The following YWHAB variants were observed in gnomAD, a reference collection of about 807,000 sequenced individuals.
YWHAB encodes tyrosine 3-monooxygenase/tryptophan 5-monooxygenase activation protein beta.
Under a neutral mutation model 28.5 loss-of-function variants are expected in YWHAB, and 2 were observed. The ratio of observed to expected loss-of-function variants is 0.07; its 90% CI spans 0.03 to 0.22. The LOEUF (loss-of-function observed/expected upper bound fraction) is 0.22. YWHAB is among the 10% of genes least tolerant of loss of function. The pLI, the probability that YWHAB is intolerant of heterozygous loss-of-function variation, is 1.00. For missense variants in YWHAB, 148 were observed against 297.1 expected (o/e 0.50, Z 3.69); for synonymous variants, 103 against 104.7 (o/e 0.98, Z 0.10).
At chr20:44,906,121 A>G (rs776670359) in intron 5 of YWHAB, 25 bp downstream of exon 5, 13 of 1,553,342 alleles carry the variant, frequency 8.4e-6, no homozygotes, top group Admixed American at 1.7e-5. Flanking sequence ...CACAGGGTTT[A>G]TAGTCTCTTT....
intron 1 of YWHAB, among the ~76,000 whole-genome samples, chr20:44,899,531 A>C (rs929415866): frequency 6.6e-6 from 1 of 152,228 alleles, no homozygotes; most frequent in Non-Finnish European, 1.5e-5. Context: ...CTACTGTTTA[A>C]AGTAGCATTT....
At chr20:44,889,622 T>C (rs932898600) in intron 1 of YWHAB, among the ~76,000 whole-genome samples, 14 of 152,230 alleles carry the variant, frequency 9.2e-5, no homozygotes, top group Non-Finnish European at 1.6e-4. Flanking sequence ...AAAGTAGATA[T>C]GAGTCCTGTC....
At chr20:44,905,968 TG>T in intron 4 of YWHAB, 32 bp from the exon 5 acceptor site, 9 of 1,576,688 alleles carry the variant, frequency 5.7e-6, no homozygotes, top group Non-Finnish European at 7.8e-6. Context: ...CCAGAGAACT[TG>T]TGAATTCTTT....
intron 1 of YWHAB, among the ~76,000 whole-genome samples, chr20:44,891,664 G>A (rs1278944431): frequency 1.3e-5 from 2 of 152,070 alleles, no homozygotes; most frequent in Non-Finnish European, 2.9e-5. Context: ...GTAACCTTGC[G>A]CCTGTCACTT....
In YWHAB at chr20:44,900,341, A is replaced by G. The variant is rs2066619314; in HGVS notation, c.-3-1190A>G. ...GCCCTGGGTAGTGTTCTTATTGCCC[A>G]GTAGAGACCGAAGCTCTCAGGTTAA... On this transcript the variant is annotated intron_variant, in intron 1 of 5. Coordinates refer to ENST00000353703, the MANE Select transcript of YWHAB (RefSeq NM_139323.4). Among the ~76,000 whole-genome samples the G allele has an allele frequency of 2.6e-5, 4 of 152,228 alleles. No individual in the cohort carries two copies. In the East Asian group the frequency reaches 7.7e-4, roughly 29 times the overall value.
At chr20:44,896,093 G>A (rs1307563935) in intron 1 of YWHAB, among the ~76,000 whole-genome samples, 29 of 152,200 alleles carry the variant, frequency 1.9e-4, no homozygotes, top group Non-Finnish European at 1.3e-4. Context: ...AGGTATCAGC[G>A]AAATGCTTTG....
intron 1 of YWHAB, among the ~76,000 whole-genome samples, chr20:44,898,734 C>T (rs2066610011): frequency 6.6e-6 from 1 of 152,114 alleles, no homozygotes; most frequent in Admixed American, 6.5e-5. Context: ...TCTCGATCTC[C>T]TGACCTCGTG....
chr20:44,893,430 T>C (rs1009943572), intron 1 of YWHAB, among the ~76,000 whole-genome samples: 4 of 152,122 alleles, frequency 2.6e-5, no homozygotes, highest in African/African-American at 9.7e-5. Context: ...AAAAAAGTAA[T>C]ACATACTTGA....
intron 1 of YWHAB, among the ~76,000 whole-genome samples, chr20:44,895,364 A>G (rs922980226): frequency 6.6e-6 from 1 of 152,272 alleles, no homozygotes. Context: ...ACAATTTATC[A>G]GGAATTTGAA....
chr20:44,902,456 T>C (rs1291287823), intron 2 of YWHAB: 1 of 152,238 alleles, frequency 6.6e-6, no homozygotes, highest in African/African-American at 2.4e-5. Flanking sequence ...ATAATCATAT[T>C]GTCTTTCCCG....
chr20:44,893,176 T>C (rs1172003462), intron 1 of YWHAB, among the ~76,000 whole-genome samples: 2 of 152,292 alleles, frequency 1.3e-5, no homozygotes, highest in African/African-American at 4.8e-5. Flanking sequence ...AACTTCTCAG[T>C]ATTTTGACCC....
At chr20:44,901,481 G>A (rs2066626205) in intron 1 of YWHAB, 50 bp from the exon 2 acceptor site, 1 of 1,514,626 alleles carries the variant, frequency 6.6e-7, no homozygotes, top group Admixed American at 2.0e-5. Context: ...CGTTTCCTAG[G>A]CCCCGAAACC....
chr20:44,899,618 CAG>C (rs907757881), intron 1 of YWHAB, among the ~76,000 whole-genome samples: 1 of 152,216 alleles, frequency 6.6e-6, no homozygotes, highest in African/African-American at 2.4e-5. Context: ...TTTAAACCAA[CAG>C]TACATAAAAT....
chr20:44,903,151 A>AT (rs2066636873), intron 2 of YWHAB: 1 of 941,682 alleles, frequency 1.1e-6, no homozygotes. Flanking sequence ...GGAATTTATT[A>AT]TTAATAGTAT....
chr20:44,903,530 A>T (rs2066639151), intron 2 of YWHAB: 1 of 152,538 alleles, frequency 6.6e-6, no homozygotes, highest in East Asian at 1.9e-4. Flanking sequence ...TAAATAAGAA[A>T]GTAAAAATCA....
In YWHAB at chr20:44,907,466, A is replaced by G. The variant is rs1356109104; in HGVS notation, c.*1028A>G. On this transcript the variant is annotated 3_prime_UTR_variant, in exon 6 of 6. Transcript: ENST00000353703. ...ACCTCATCTCCAAAAAAGAAAACAAAAAACAAAAAAAGGAATGATGTTCTG... is the reference window on the plus strand; with the variant it reads ...ACCTCATCTCCAAAAAAGAAAACAAGAAACAAAAAAAGGAATGATGTTCTG... 1 of 152,198 alleles carries G rather than the reference A, an allele frequency of 6.6e-6. No homozygotes were observed. Among genetic ancestry groups the G allele is most frequent in the East Asian group, 1.9e-4 (1 of 5,176 alleles). The allele number at this position is 152,198 out of a possible 1,614,324, so 9.4% of individuals were successfully genotyped here.
At chr20:44,891,974 G>A (rs2066565151) in intron 1 of YWHAB, among the ~76,000 whole-genome samples, 1 of 152,158 alleles carries the variant, frequency 6.6e-6, no homozygotes, top group African/African-American at 2.4e-5. Flanking sequence ...AGTTTTCTCT[G>A]AGAGCCAGGA....
Position 44,907,865 on chromosome 20 carries a change from AT to A in YWHAB, c.*1428del, listed in dbSNP as rs2066667762. 1 of 152,162 alleles carries A rather than the reference AT, an allele frequency of 6.6e-6. No homozygotes were observed. Among genetic ancestry groups the A allele is most frequent in the African/African-American group, 2.4e-5 (1 of 41,402 alleles). The allele number at this position is 152,162 out of a possible 1,614,324, so 9.4% of individuals were successfully genotyped here. A position where few individuals can be genotyped will look rare whatever the true frequency, so the allele number is the denominator to read the frequency against. ...ATCTGAATCAAAAAAGTATTTTTAA[AT>A]ATCCATGATTTCTCCCTGTATTGAG... On this transcript the variant is annotated 3_prime_UTR_variant, in exon 6 of 6. Coordinates refer to ENST00000353703, the MANE Select transcript of YWHAB (RefSeq NM_139323.4).
At chr20:44,893,768 G>T (rs2066578254) in intron 1 of YWHAB, among the ~76,000 whole-genome samples, 1 of 134,884 alleles carries the variant, frequency 7.4e-6, no homozygotes, top group African/African-American at 3.0e-5. Flanking sequence ...GCGCAGTTTC[G>T]GCTCACTGCA....
Sources: allele counts gnomAD v4.1 joint callset (sites outside exome capture counted in the v4.1 genomes callset), GRCh38; gene constraint gnomAD v4.1.1; transcripts MANE v1.5; gene names NCBI Gene and HGNC (gene_info 2026-07-23, HGNC 2026-07-21).